The following TECTA variants were observed in gnomAD, a reference collection of about 807,000 sequenced individuals.
TECTA encodes tectorin alpha, also known as alpha-tectorin.
A neutral mutation model predicts 216.8 loss-of-function variants in TECTA; 128 were observed. The ratio of observed to expected loss-of-function variants is 0.59; its 90% CI spans 0.51 to 0.68. TECTA has a LOEUF of 0.68. Among genes scored for constraint, TECTA ranks in the 30% least tolerant of loss-of-function variants. The pLI is 0.00. For synonymous variants in TECTA, 1,089 were observed against 1,117.1 expected (o/e 0.97, Z 0.50); for missense variants, 2,551 against 2,786.2 (o/e 0.92, Z 1.90).
chr11:121,157,908 A>G lies in TECTA; in HGVS notation c.4373A>G (p.Gln1458Arg), dbSNP rs780581200. The G allele has an allele frequency of 5.0e-6, 8 of 1,614,112 alleles. No individual in the cohort carries two copies. Among genetic ancestry groups the G allele is most frequent in the Non-Finnish European group, 6.8e-6 (8 of 1,180,052 alleles). The change falls in exon 14 of 24, where the codon CAG becomes CGG. Residue 1458 changes from glutamine (Q) to arginine (R), a missense_variant. This residue lies in a region of TECTA where 2,375 missense variants were observed against 2,563.9 expected (regional missense o/e 0.93). Transcript: ENST00000392793. ...RCRCFRRNVIQCDPRQCKSDE... is the reference protein window; with the variant it reads ...RCRCFRRNVIRCDPRQCKSDE... ...CGCTGTTTCCGTCGCAACGTGATTCAGTGCGACCCGCGCCAATGCAAGTCA... is the reference window on the plus strand; with the variant it reads ...CGCTGTTTCCGTCGCAACGTGATTCGGTGCGACCCGCGCCAATGCAAGTCA...
rs935862375 is a variant in TECTA, at chr11:121,127,579, G to A, written c.1775-173G>A. On this transcript the variant is annotated intron_variant, in intron 8 of 23. Coordinates refer to ENST00000392793, the MANE Select transcript of TECTA (RefSeq NM_005422.4). This position sits in a 1 kb window ranked among gnomAD's most constrained non-coding sequence, Gnocchi z 5.0. Reference sequence around the variant, plus strand: ...AATCATGCTGCTCAGTAGTTATTAGGAGAGTCATTGAGCTGGGTTTTACAG... The same window carrying A: ...AATCATGCTGCTCAGTAGTTATTAGAAGAGTCATTGAGCTGGGTTTTACAG... 6.6e-6 allele frequency among the ~76,000 whole-genome samples: 1 copy of A among 152,116 alleles called. No individual in the cohort carries two copies. The highest frequency in any genetic ancestry group is 6.5e-5 in the Admixed American group (1 of 15,272).
In TECTA at chr11:121,127,676, A is replaced by C; in HGVS notation, c.1775-76A>C. ...TCTAGGAACTAAATGATCCAGGAGG[A>C]GCGTTAAGATTCTGGCGGGTTAGCA... On this transcript the variant is annotated intron_variant, in intron 8 of 23. Transcript: ENST00000392793. The surrounding 1 kb of genome is among the most constrained non-coding windows in gnomAD (Gnocchi z 5.0). 1.3e-6 allele frequency: 2 copies of C among 1,516,400 alleles called. No homozygotes were observed. The highest frequency in any genetic ancestry group is 1.8e-6 in the Non-Finnish European group (2 of 1,091,724). 93.9% of individuals were successfully genotyped at this position (1,516,400 alleles called of 1,614,324 possible).
At chr11:121,122,672 CAAA>C (rs33994765) in intron 7 of TECTA, among the ~76,000 whole-genome samples, 1 of 48,904 alleles carries the variant, frequency 2.0e-5, no homozygotes. Context: ...CCTGTCTCTC[CAAA>C]AAAAAAAAAA....
Position 121,105,658 on chromosome 11 carries a change from A to G in TECTA, c.65-173A>G, listed in dbSNP as rs1350420886. Among the ~76,000 whole-genome samples, 1 of 152,248 alleles carries G rather than the reference A, an allele frequency of 6.6e-6. No homozygotes were observed. The highest frequency in any genetic ancestry group is 2.4e-5 in the African/African-American group (1 of 41,462). Reference sequence around the variant, plus strand: ...CTCCCATTTTCCCGTTTCCCAGAGCAGAAGATACTGCGCTGTGTATGGCCT... The same window carrying G: ...CTCCCATTTTCCCGTTTCCCAGAGCGGAAGATACTGCGCTGTGTATGGCCT... On this transcript the variant is annotated intron_variant, in intron 2 of 23. Transcript: ENST00000392793. This position sits in a 1 kb window ranked among gnomAD's most constrained non-coding sequence, Gnocchi z 5.3.
intron 18 of TECTA, among the ~76,000 whole-genome samples, chr11:121,167,692 A>T (rs934755165): frequency 6.6e-6 from 1 of 152,166 alleles, no homozygotes; most frequent in Non-Finnish European, 1.5e-5. Context: ...TGGAGAAGAG[A>T]TTTTGAATTA....
intron 13 of TECTA, among the ~76,000 whole-genome samples, chr11:121,155,496 G>A (rs1946932274): frequency 6.6e-6 from 1 of 152,158 alleles, no homozygotes. Flanking sequence ...ACTTCACTTT[G>A]AAGATGAAAG....
intron 20 of TECTA, among the ~76,000 whole-genome samples, chr11:121,183,536 T>C (rs1021581852): frequency 3.3e-5 from 5 of 152,188 alleles, no homozygotes; most frequent in Non-Finnish European, 7.4e-5. Context: ...CAGGGCCAAC[T>C]GCTTTGTTTC....
intron 7 of TECTA, among the ~76,000 whole-genome samples, chr11:121,120,378 G>C (rs1355875344): frequency 6.6e-6 from 1 of 152,182 alleles, no homozygotes; most frequent in African/African-American, 2.4e-5. Flanking sequence ...TTTGCCAAAT[G>C]GTTTCCAAGC....
chr11:121,166,753 C>T lies in TECTA; in HGVS notation c.5559C>T (p.Thr1853=). Reference sequence around the variant, plus strand: ...TTATCTCCTTTCAGATCAACAACACCAAAGGGAATTGTGGAAACATTGTGC... The same window carrying T: ...TTATCTCCTTTCAGATCAACAACACTAAAGGGAATTGTGGAAACATTGTGC... ...EDFISFQINN[T]KGNCGNIVQS... is the part of the protein sequence containing the mutation. The change falls in exon 18 of 24, where the codon ACC becomes ACT. Residue 1853 remains threonine (T), a synonymous_variant. Coordinates refer to ENST00000392793, the MANE Select transcript of TECTA (RefSeq NM_005422.4). The T allele has an allele frequency of 6.2e-7, 1 of 1,614,136 alleles. No homozygotes were observed. Among genetic ancestry groups the T allele is most frequent in the East Asian group, 2.2e-5 (1 of 44,884 alleles).
intron 10 of TECTA, among the ~76,000 whole-genome samples, chr11:121,130,604 C>A (rs1946664779): frequency 6.6e-6 from 1 of 152,254 alleles, no homozygotes; most frequent in African/African-American, 2.4e-5. Context: ...ACCTTTGGGG[C>A]ATGGAGATTA....
chr11:121,170,792 G>C (rs532650168), intron 20 of TECTA, among the ~76,000 whole-genome samples: 2 of 152,186 alleles, frequency 1.3e-5, no homozygotes, highest in East Asian at 1.9e-4. Context: ...TTTTCTTGCT[G>C]TTGAGTTGTT....
chr11:121,141,592 T>G (rs1316917283), intron 11 of TECTA, among the ~76,000 whole-genome samples: 4 of 152,210 alleles, frequency 2.6e-5, no homozygotes, highest in Non-Finnish European at 5.9e-5. Context: ...CAACAGAGAC[T>G]GCCTCTCTCC....
At position 121,158,139 on chromosome 11, in the gene TECTA, C is replaced by T. The variant is rs766064833; in HGVS notation, c.4604C>T (p.Ser1535Leu). The T allele has an allele frequency of 2.0e-5, 32 of 1,614,046 alleles. No individual in the cohort carries two copies. The highest frequency in any genetic ancestry group is 2.7e-5 in the Non-Finnish European group (32 of 1,180,058). Residue 1535 changes from serine to leucine, a missense_variant, in exon 14 of 24, where the codon TCG (serine) becomes TTG (leucine). This residue lies in a region of TECTA where 2,375 missense variants were observed against 2,563.9 expected (regional missense o/e 0.93). Transcript: ENST00000392793. ...FQLIINFDKWSAPNLTIISPV... is the reference protein window; with the variant it reads ...FQLIINFDKWLAPNLTIISPV... ...CTTATCATCAACTTCGACAAGTGGT[C>T]GGCCCCCAACCTCACCATCATTTCG...
At chr11:121,103,698 G>T (rs1308874991) in intron 2 of TECTA, among the ~76,000 whole-genome samples, 1 of 151,992 alleles carries the variant, frequency 6.6e-6, no homozygotes, top group East Asian at 1.9e-4. Flanking sequence ...AGGCCATGCT[G>T]CTAACAGTTT....
chr11:121,108,755 T>TAC lies in TECTA; in HGVS notation c.199-443_199-442dup, dbSNP rs371308675. Among the ~76,000 whole-genome samples the TAC allele has an allele frequency of 2.4e-3, 335 of 141,538 alleles. 1 individual carries two copies. The Middle Eastern group carries it at 0.046, about 20-fold the overall frequency. The allele number at this position is 141,538 out of a possible 152,430, so 92.9% of individuals were successfully genotyped here. Reference sequence around the variant, plus strand: ...CACACACTTACACACCTCACCCCAGTACACACACACACACCATCACCAGAA... The same window carrying TAC: ...CACACACTTACACACCTCACCCCAGTACACACACACACACACCATCACCAGAA... On this transcript the variant is annotated intron_variant, in intron 3 of 23. Transcript: ENST00000392793.
At position 121,166,708 on chromosome 11, in the gene TECTA, C is replaced by T. The variant is rs779820612; in HGVS notation, c.5514C>T (p.Thr1838=). Residue 1838 remains threonine, a synonymous_variant, in exon 18 of 24, where the codon ACC becomes ACT. Transcript: ENST00000392793. ...TGAGGATCAATGACAGACAGTGCAC[C>T]GGCATCGAGGGGGAAGATTTTATCT... ...EGVRINDRQC[T]GIEGEDFISF... is the part of the protein sequence containing the mutation. 1.4e-5 allele frequency: 23 copies of T among 1,614,160 alleles called. 1 individual carries two copies. The highest frequency in any genetic ancestry group is 3.3e-5 in the South Asian group (3 of 91,086).
chr11:121,160,389 C>G lies in TECTA; in HGVS notation c.4944C>G (p.Ala1648=). The change falls in exon 15 of 24, where the codon GCC becomes GCG. Residue 1648 remains alanine (A), a synonymous_variant. Coordinates refer to ENST00000392793, the MANE Select transcript of TECTA (RefSeq NM_005422.4). ...CGGTGGTAAGCAGCGTGGTGCTGGC[C>G]CAGAGCTGGAAAACCAATGGCATGC... ...GKPVVSSVVL[A]QSWKTNGMQK... 1 of 1,612,882 alleles carries G rather than the reference C, an allele frequency of 6.2e-7. No homozygotes were observed. Among genetic ancestry groups the G allele is most frequent in the Non-Finnish European group, 8.5e-7 (1 of 1,179,912 alleles).
Position 121,165,303 on chromosome 11 carries a change from C to T in TECTA, c.5303C>T (p.Ala1768Val), listed in dbSNP as rs772947201. ...GTGGTTGAAGATCCCTGTGTGGGGG[C>T]GGACTGTCCCAACCGAACTTGCGAG... ...SGVVEDPCVG[A>V]DCPNRTCELG... The change falls in exon 17 of 24, where the codon GCG becomes GTG. Residue 1768 changes from alanine to valine, a missense_variant. Physicochemically the swap from Ala to Val is moderately conservative, Grantham distance 64. Coordinates refer to ENST00000392793, the MANE Select transcript of TECTA (RefSeq NM_005422.4). The T allele has an allele frequency of 7.5e-6, 12 of 1,607,666 alleles. No homozygotes were observed. Among genetic ancestry groups the T allele is most frequent in the Middle Eastern group, 1.6e-4 (1 of 6,084 alleles).
intron 12 of TECTA, among the ~76,000 whole-genome samples, chr11:121,150,643 A>ATT (rs202043512): frequency 0.23 from 29,368 of 127,302 alleles, 3,427 homozygotes; most frequent in Non-Finnish European, 0.25. Context: ...GCCTATTTTA[A>ATT]TTTTTTTTTT....
Sources: gnomAD v4.1 joint callset for allele counts (sites outside exome capture counted in the v4.1 genomes callset) on GRCh38, gnomAD v4.1.1 for gene constraint, gnomAD v4.1.1 regional missense constraint, Gnocchi (gnomAD v3.1) non-coding constraint, MANE v1.5 for transcripts, NCBI Gene and HGNC (gene_info 2026-07-23, HGNC 2026-07-21) for gene names.